Variants in DPP6 observed in about 807,000 individuals in gnomAD.
DPP6 encodes the protein dipeptidyl peptidase like 6.
DPP6 carries 69 observed loss-of-function variants against 122.6 expected under a neutral mutation model. The ratio of observed to expected loss-of-function variants is 0.56; its 90% CI spans 0.46 to 0.69. DPP6 has a LOEUF of 0.69. Among genes scored for constraint, DPP6 ranks in the 30% least tolerant of loss-of-function variants. The pLI, the probability that DPP6 is intolerant of heterozygous loss-of-function variation, is 0.00. For synonymous variants in DPP6, 418 were observed against 433.1 expected (o/e 0.97, Z 0.43); for missense variants, 928 against 1,116.9 (o/e 0.83, Z 2.41).
rs181065198 is a variant in DPP6 at position 154,784,904 on chromosome 7, G to A, written c.1137-9175G>A. Among the ~76,000 whole-genome samples, 19 of 152,198 alleles carry A rather than the reference G, an allele frequency of 1.2e-4. No individual in the cohort carries two copies. The East Asian group carries it at 3.3e-3, about 26-fold the overall frequency. On this transcript the variant is annotated intron_variant, in intron 10 of 25. Coordinates refer to ENST00000377770, the MANE Select transcript of DPP6 (RefSeq NM_130797.4). ...TAATTAAATATCCTACTGCTTCTGT[G>A]CCCTTTCCTGCCTTCTTTTCTTTGA...
At chr7:153,933,497 C>T (rs932309059) in intron 1 of DPP6, among the ~76,000 whole-genome samples, 2 of 152,188 alleles carry the variant, frequency 1.3e-5, no homozygotes, top group African/African-American at 2.4e-5. Flanking sequence ...ACACTTCTGC[C>T]ATCTTAAATA....
chr7:154,879,685 G>C (rs71534171), intron 20 of DPP6, among the ~76,000 whole-genome samples: 1 of 152,076 alleles, frequency 6.6e-6, no homozygotes, highest in East Asian at 1.9e-4. Flanking sequence ...CTGGGAGGCA[G>C]AGGTTGCGGT....
intron 5 of DPP6, among the ~76,000 whole-genome samples, chr7:154,573,800 T>C (rs1467410570): frequency 6.6e-6 from 1 of 152,222 alleles, no homozygotes; most frequent in Admixed American, 6.5e-5. Context: ...TCCACGTTCT[T>C]GGGAAACTGT....
chr7:154,560,395 T>C (rs186572497), intron 4 of DPP6, among the ~76,000 whole-genome samples: 11 of 152,272 alleles, frequency 7.2e-5, no homozygotes, highest in Admixed American at 5.9e-4. Flanking sequence ...TCTTGGACAA[T>C]AGTGGCAATA....
intron 1 of DPP6, among the ~76,000 whole-genome samples, 172 bp downstream of exon 1, chr7:154,053,235 C>CA (rs1554443426): frequency 0.03 from 2 of 66 alleles, no homozygotes; most frequent in African/African-American, 0.071. Context: ...GCGGTCACCG[C>CA]GTCCCGGAGG....
intron 18 of DPP6, among the ~76,000 whole-genome samples, chr7:154,869,930 G>A (rs1407296765): frequency 2.0e-5 from 3 of 149,496 alleles, no homozygotes; most frequent in African/African-American, 7.4e-5. Flanking sequence ...GCCAGGGAAG[G>A]GGGCATGAAC....
intron 1 of DPP6, among the ~76,000 whole-genome samples, chr7:154,344,304 G>A (rs2337881): frequency 0.073 from 11,173 of 152,156 alleles, 1,250 homozygotes; most frequent in African/African-American, 0.24. Context: ...GCAGACAGGC[G>A]TATGAAAAGG....
chr7:154,340,089 T>A (rs1809793882), intron 1 of DPP6, among the ~76,000 whole-genome samples: 1 of 151,830 alleles, frequency 6.6e-6, no homozygotes, highest in African/African-American at 2.4e-5. Flanking sequence ...AAAAAAAAAA[T>A]TAATGTGGTT....
chr7:153,972,690 T>A (rs550145831), intron 1 of DPP6, among the ~76,000 whole-genome samples: 1 of 151,960 alleles, frequency 6.6e-6, no homozygotes, highest in East Asian at 2.0e-4. Flanking sequence ...TTGTGGACAG[T>A]CACTCCAGGC....
chr7:154,761,789 C>T (rs1355953061), intron 8 of DPP6, among the ~76,000 whole-genome samples: 2 of 151,972 alleles, frequency 1.3e-5, no homozygotes, highest in Admixed American at 1.3e-4. Flanking sequence ...TGTTGGTGTG[C>T]TGCACCCATT....
In DPP6 at chr7:154,481,450, A is replaced by G. The variant is rs1191517729; in HGVS notation, c.457+6413A>G. Among the ~76,000 whole-genome samples the G allele has an allele frequency of 6.6e-6, 1 of 150,896 alleles. No individual in the cohort carries two copies. Among genetic ancestry groups the G allele is most frequent in the Admixed American group, 6.6e-5 (1 of 15,144 alleles). ...TATCTTACATTCACCTCACATCCTC[A>G]TGCCCAGCACTACATCATCCTCCCC... is the stretch of plus-strand genomic sequence containing the variant. On this transcript the variant is annotated intron_variant, in intron 3 of 25. Coordinates refer to ENST00000377770, the MANE Select transcript of DPP6 (RefSeq NM_130797.4). The surrounding 1 kb of genome is among the most constrained non-coding windows in gnomAD (Gnocchi z 4.2).
At chr7:154,061,839 T>G (rs1326617886) in intron 1 of DPP6, among the ~76,000 whole-genome samples, 3 of 131,942 alleles carry the variant, frequency 2.3e-5, no homozygotes, top group Admixed American at 7.3e-5. Context: ...CCTTTGCTCT[T>G]AGGATCCCCA....
chr7:154,881,226 A>G (rs1481908636), intron 21 of DPP6: 3 of 408,252 alleles, frequency 7.3e-6, no homozygotes, highest in Non-Finnish European at 8.4e-6. Context: ...TCTCCCATCC[A>G]TCTGCTGTAG....
At chr7:154,666,206 T>TACATAC (rs369121970) in intron 6 of DPP6, among the ~76,000 whole-genome samples, 36,769 of 144,938 alleles carry the variant, frequency 0.25, 5,253 homozygotes, top group Non-Finnish European at 0.3. Context: ...TATATACACA[T>TACATAC]ATACATACAT....
chr7:153,911,153 G>A (rs533586995), intron 1 of DPP6, among the ~76,000 whole-genome samples: 2 of 152,296 alleles, frequency 1.3e-5, no homozygotes, highest in Admixed American at 1.3e-4. Context: ...TGGGGTCTCA[G>A]GGGCACATTG....
intron 16 of DPP6, among the ~76,000 whole-genome samples, chr7:154,825,499 G>A (rs1386928309): frequency 6.6e-6 from 1 of 152,152 alleles, no homozygotes; most frequent in East Asian, 1.9e-4. Context: ...TGATGTTCTG[G>A]GAAGCTCTTT....
intron 20 of DPP6, among the ~76,000 whole-genome samples, chr7:154,880,390 C>G (rs913207537): frequency 6.6e-6 from 1 of 152,234 alleles, no homozygotes; most frequent in Admixed American, 6.5e-5. Context: ...AGACAGGGGC[C>G]TCCTCCCAGG....
At chr7:154,258,512 A>G (rs889828243) in intron 1 of DPP6, among the ~76,000 whole-genome samples, 1 of 152,180 alleles carries the variant, frequency 6.6e-6, no homozygotes, top group African/African-American at 2.4e-5. Flanking sequence ...TTTACCTATT[A>G]GTTCAAGGGG....
In DPP6 at chr7:154,875,790, T is replaced by C. The variant is rs1416907686; in HGVS notation, c.1884-116T>C. 1 of 1,416,480 alleles carries C rather than the reference T, an allele frequency of 7.1e-7. No individual in the cohort carries two copies. Among genetic ancestry groups the C allele is most frequent in the Non-Finnish European group, 9.4e-7 (1 of 1,058,690 alleles). 87.7% of individuals were successfully genotyped at this position (1,416,480 alleles called of 1,614,324 possible). A position where few individuals can be genotyped will look rare whatever the true frequency, so the allele number is the denominator to read the frequency against. ...AGAATCTGGGGTATGGAGTTGAGCG[T>C]GTGGCAGCCGGGTCACGGGTAAAAT... On this transcript the variant is annotated intron_variant, in intron 19 of 25. Transcript: ENST00000377770. This position sits in a 1 kb window ranked among gnomAD's most constrained non-coding sequence, Gnocchi z 4.5.
Sources: allele counts gnomAD v4.1 joint callset (sites outside exome capture counted in the v4.1 genomes callset), GRCh38; gene constraint gnomAD v4.1.1; non-coding constraint Gnocchi (gnomAD v3.1); transcripts MANE v1.5; gene names NCBI Gene and HGNC (gene_info 2026-07-23, HGNC 2026-07-21).